AKAP13: variants seen among roughly 807,000 people sequenced by gnomAD.
AKAP13 encodes A-kinase anchoring protein 13, also known as A-kinase anchor protein 13.
Under a neutral mutation model 264.5 loss-of-function variants are expected in AKAP13, and 80 were observed. That is an observed-to-expected ratio of 0.30 (90% CI 0.25 to 0.36). The LOEUF (loss-of-function observed/expected upper bound fraction) is 0.36, where lower values mean the gene tolerates loss of function less well. AKAP13 is among the 10% of genes least tolerant of loss of function. AKAP13 has a pLI of 1.00. For synonymous variants in AKAP13, 1,380 were observed against 1,250.2 expected (o/e 1.10, Z -2.19); for missense variants, 3,712 against 3,435.2 (o/e 1.08, Z -2.01).
chr15:85,621,067 A>G (rs1007426902), intron 8 of AKAP13, among the ~76,000 whole-genome samples: 12 of 152,244 alleles, frequency 7.9e-5, no homozygotes, highest in Non-Finnish European at 1.2e-4. Flanking sequence ...GGTGAGGGTC[A>G]TTTTAAGCAA....
chr15:85,388,505 T>TA lies in AKAP13; in HGVS notation c.-12+7708dup, dbSNP rs572955039. 2.9e-4 allele frequency among the ~76,000 whole-genome samples: 44 copies of TA among 152,316 alleles called. No individual in the cohort carries two copies. In the South Asian group the frequency reaches 8.7e-3, roughly 30 times the overall value. Reference sequence around the variant, plus strand: ...TGGTAGCCATAGGTGTTTGTTTTTGTAGATGTCTTTTATCAAGTTGAGGAA... The same window carrying TA: ...TGGTAGCCATAGGTGTTTGTTTTTGTAAGATGTCTTTTATCAAGTTGAGGAA... On this transcript the variant is annotated intron_variant, in intron 1 of 36. Coordinates refer to ENST00000394518, the MANE Select transcript of AKAP13 (RefSeq NM_007200.5).
intron 2 of AKAP13, among the ~76,000 whole-genome samples, chr15:85,495,217 T>C (rs2075837554): frequency 6.6e-6 from 1 of 152,186 alleles, no homozygotes; most frequent in South Asian, 2.1e-4. Flanking sequence ...TAAGGCTTTC[T>C]CTTGTAAAGC....
At chr15:85,564,820 G>A (rs1453773223) in intron 5 of AKAP13, among the ~76,000 whole-genome samples, 1 of 152,196 alleles carries the variant, frequency 6.6e-6, no homozygotes, top group Non-Finnish European at 1.5e-5. Context: ...AACTGTGTAT[G>A]TCAAGAGATT....
chr15:85,610,607 T>C (rs2080562683), intron 8 of AKAP13, among the ~76,000 whole-genome samples: 1 of 152,216 alleles, frequency 6.6e-6, no homozygotes, highest in South Asian at 2.1e-4. Flanking sequence ...AACCATTATA[T>C]AAGGATTCAC....
In AKAP13 at chr15:85,724,101, C is replaced by T. The variant is rs943580402; in HGVS notation, c.6745+781C>T. ...CCTCAGTGAGCTGAGGACATTGAAG[C>T]AGGGTAGGCCAGTACTGTCAGCCTC... On this transcript the variant is annotated intron_variant, in intron 26 of 36. Coordinates refer to ENST00000394518, the MANE Select transcript of AKAP13 (RefSeq NM_007200.5). The surrounding 1 kb of genome is among the most constrained non-coding windows in gnomAD (Gnocchi z 4.2). Among the ~76,000 whole-genome samples the T allele has an allele frequency of 6.6e-6, 1 of 152,142 alleles. No homozygotes were observed. The highest frequency in any genetic ancestry group is 6.5e-5 in the Admixed American group (1 of 15,282).
At chr15:85,598,865 A>G (rs1003051626) in intron 8 of AKAP13, among the ~76,000 whole-genome samples, 2 of 152,242 alleles carry the variant, frequency 1.3e-5, no homozygotes, top group Admixed American at 1.3e-4. Flanking sequence ...TTTCACTCAA[A>G]GGATTTTCCC....
At chr15:85,432,094 A>G (rs2073047581) in intron 1 of AKAP13, among the ~76,000 whole-genome samples, 1 of 147,600 alleles carries the variant, frequency 6.8e-6, no homozygotes, top group Non-Finnish European at 1.5e-5. Context: ...ATTAGTTCTC[A>G]TTTCTTTTTT....
At chr15:85,702,182 G>C (rs555654028) in intron 17 of AKAP13, 1 of 152,156 alleles carries the variant, frequency 6.6e-6, no homozygotes, top group Admixed American at 6.5e-5. Context: ...GGAGGCGGAG[G>C]TTACAGTCAG....
chr15:85,582,113 CA>C lies in AKAP13; in HGVS notation c.4039+10del, dbSNP rs762182139. ...GGGGCCTGAGCCAGCAGCAGGTAAG[CA>C]AAACATAATACAAAATTAACAGTCT... On this transcript the variant is annotated splice_region_variant and intron_variant, in intron 7 of 36. Coordinates refer to ENST00000394518, the MANE Select transcript of AKAP13 (RefSeq NM_007200.5). 1 of 1,576,244 alleles carries C rather than the reference CA, an allele frequency of 6.3e-7. No homozygotes were observed. The highest frequency in any genetic ancestry group is 1.8e-5 in the Admixed American group (1 of 55,020).
At chr15:85,596,390 G>C (rs1226347977) in intron 8 of AKAP13, among the ~76,000 whole-genome samples, 1 of 152,114 alleles carries the variant, frequency 6.6e-6, no homozygotes, top group African/African-American at 2.4e-5. Flanking sequence ...TGTATTGCTT[G>C]AGCCTAGGAG....
intron 1 of AKAP13, among the ~76,000 whole-genome samples, chr15:85,427,171 G>C (rs62022066): frequency 3.3e-5 from 5 of 151,794 alleles, no homozygotes; most frequent in African/African-American, 9.7e-5. Context: ...TAGCTAGGAC[G>C]GTCTCGATCT....
intron 6 of AKAP13, 65 bp from the exon 7 acceptor site, chr15:85,578,865 C>T (rs1295691893): frequency 1.1e-5 from 17 of 1,513,614 alleles, no homozygotes; most frequent in Non-Finnish European, 1.4e-5. Context: ...AATTTTTGCT[C>T]AGAGGTGTCA....
chr15:85,677,770 C>T (rs1208649357), intron 14 of AKAP13, among the ~76,000 whole-genome samples: 1 of 151,730 alleles, frequency 6.6e-6, no homozygotes, highest in African/African-American at 2.4e-5. Flanking sequence ...GGGTAGCCTC[C>T]TGGGTAGCTG....
chr15:85,651,750 C>G (rs535386035), intron 10 of AKAP13: 1 of 152,282 alleles, frequency 6.6e-6, no homozygotes, highest in East Asian at 1.9e-4. Flanking sequence ...TCCATTCACA[C>G]CCTCTCAAGG....
At chr15:85,387,466 G>A (rs2070631438) in intron 1 of AKAP13, among the ~76,000 whole-genome samples, 1 of 152,094 alleles carries the variant, frequency 6.6e-6, no homozygotes, top group South Asian at 2.1e-4. Flanking sequence ...AAGTAGTTGG[G>A]ATCACAGTCA....
intron 8 of AKAP13, among the ~76,000 whole-genome samples, chr15:85,600,701 A>T (rs951167068): frequency 2.0e-5 from 3 of 152,242 alleles, no homozygotes; most frequent in African/African-American, 7.2e-5. Context: ...TTTTAAAGGA[A>T]TATATTCCCC....
Position 85,715,867 on chromosome 15 carries a change from A to G in AKAP13, c.5679A>G (p.Arg1893=). 2.5e-6 allele frequency: 4 copies of G among 1,613,632 alleles called. No individual in the cohort carries two copies. Among genetic ancestry groups the G allele is most frequent in the Admixed American group, 1.7e-5 (1 of 59,882 alleles). The stretch of plus-strand genomic sequence containing the variant: ...CTACCACCCCAATATTTGCCAATAG[A>G]CGATCCCAGCAGAGTGTCTCGCTCT... The part of the protein sequence containing the change: ...ETATTPIFAN[R]RSQQSVSLSK... Residue 1893 remains arginine (R), a synonymous_variant, in exon 20 of 37, where the codon AGA becomes AGG. Transcript: ENST00000394518.
intron 19 of AKAP13, among the ~76,000 whole-genome samples, chr15:85,714,275 C>G (rs544503600): frequency 2.6e-5 from 4 of 152,136 alleles, no homozygotes; most frequent in African/African-American, 7.2e-5. Context: ...TCATCCTTGT[C>G]GTTTTCACAT....
At chr15:85,381,029 C>T (rs899620660) in intron 1 of AKAP13, among the ~76,000 whole-genome samples, 1 of 151,464 alleles carries the variant, frequency 6.6e-6, no homozygotes, top group African/African-American at 2.4e-5. Flanking sequence ...GCATTGTCTG[C>T]TTGGGGCTCG....
Sources: allele counts gnomAD v4.1 joint callset (sites outside exome capture counted in the v4.1 genomes callset), GRCh38; gene constraint gnomAD v4.1.1; non-coding constraint Gnocchi (gnomAD v3.1); transcripts MANE v1.5; gene names NCBI Gene and HGNC (gene_info 2026-07-23, HGNC 2026-07-21).